Variants in BLTP3A observed in about 807,000 individuals in gnomAD.
BLTP3A encodes bridge-like lipid transfer protein family member 3A.
chr6:34,863,552 G>A, the BLTP3A span, among the ~76,000 whole-genome samples: 1 of 152,022 alleles, frequency 6.6e-6, no homozygotes, highest in Non-Finnish European at 1.5e-5. Flanking sequence ...CCTCTTTGAT[G>A]TTGTCTAGAA....
chr6:34,792,454 C>G, the BLTP3A span, among the ~76,000 whole-genome samples: 1 of 152,120 alleles, frequency 6.6e-6, no homozygotes, highest in Admixed American at 6.5e-5. Flanking sequence ...CAGCTTCCCC[C>G]CGCGCCCGCC....
the BLTP3A span, among the ~76,000 whole-genome samples, chr6:34,802,462 C>T: frequency 1.3e-5 from 2 of 151,434 alleles, no homozygotes; most frequent in Admixed American, 6.6e-5. Context: ...CTCTGCCTCC[C>T]GGGTTCAAGC....
chr6:34,812,649 TC>T, the BLTP3A span, among the ~76,000 whole-genome samples: 1 of 151,780 alleles, frequency 6.6e-6, no homozygotes, highest in Non-Finnish European at 1.5e-5. Flanking sequence ...TTTTTTTTTT[TC>T]ATAGAGACAG....
At chr6:34,799,404 C>A in the BLTP3A span, among the ~76,000 whole-genome samples, 1 of 151,882 alleles carries the variant, frequency 6.6e-6, no homozygotes, top group Non-Finnish European at 1.5e-5. Context: ...GCAGGAGGAT[C>A]ACTTGAGCCT....
At chr6:34,819,139 T>TCC in the BLTP3A span, among the ~76,000 whole-genome samples, 5 of 133,352 alleles carry the variant, frequency 3.7e-5, no homozygotes, top group African/African-American at 1.6e-4. Context: ...TAGACAGTTT[T>TCC]TCTTTTTTTT....
chr6:34,833,354 C>T, the BLTP3A span, among the ~76,000 whole-genome samples: 4 of 152,018 alleles, frequency 2.6e-5, no homozygotes, highest in Admixed American at 6.6e-5. Context: ...CTCTTATTCA[C>T]CTGACTGTAC....
chr6:34,813,369 A>G, the BLTP3A span, among the ~76,000 whole-genome samples: 2 of 152,226 alleles, frequency 1.3e-5, no homozygotes, highest in Non-Finnish European at 2.9e-5. Context: ...TCTAGCTCTG[A>G]AATTCTGCGA....
chr6:34,844,712 A>G, the BLTP3A span, among the ~76,000 whole-genome samples: 5 of 151,882 alleles, frequency 3.3e-5, no homozygotes, highest in Non-Finnish European at 5.9e-5. Context: ...GGATTATTAG[A>G]TTTTTTTTCC....
the BLTP3A span, among the ~76,000 whole-genome samples, chr6:34,826,722 C>A: frequency 3.0e-4 from 46 of 152,132 alleles, no homozygotes; most frequent in East Asian, 6.6e-3. Flanking sequence ...AGTCATTATT[C>A]TTCTTGATGT....
chr6:34,845,395 C>T, the BLTP3A span, among the ~76,000 whole-genome samples: 1 of 151,932 alleles, frequency 6.6e-6, no homozygotes. Context: ...GATTACTTTT[C>T]CCATTTCTGC....
the BLTP3A span, chr6:34,834,362 A>G: frequency 6.2e-7 from 1 of 1,613,810 alleles, no homozygotes; most frequent in Non-Finnish European, 8.5e-7. Flanking sequence ...CTGGCAGCAG[A>G]GTGACCTTCG....
At chr6:34,801,998 A>G in the BLTP3A span, among the ~76,000 whole-genome samples, 1 of 152,102 alleles carries the variant, frequency 6.6e-6, no homozygotes, top group Admixed American at 6.5e-5. Flanking sequence ...CGGCCTCCCC[A>G]AGTGCTGGGA....
chr6:34,801,829 C>T, the BLTP3A span, among the ~76,000 whole-genome samples: 4 of 152,316 alleles, frequency 2.6e-5, no homozygotes, highest in South Asian at 2.1e-4. Context: ...AGCTCCGCCT[C>T]CCGGTTCACG....
chr6:34,798,834 C>T, the BLTP3A span, among the ~76,000 whole-genome samples: 1 of 152,202 alleles, frequency 6.6e-6, no homozygotes, highest in Middle Eastern at 3.4e-3. Flanking sequence ...GGATGTAATG[C>T]TCAGCCCTCT....
the BLTP3A span, among the ~76,000 whole-genome samples, chr6:34,853,213 A>C: frequency 6.6e-6 from 1 of 152,134 alleles, no homozygotes; most frequent in Non-Finnish European, 1.5e-5. Context: ...GTCTTGCTGC[A>C]TTGCCAAGCA....
the BLTP3A span, among the ~76,000 whole-genome samples, chr6:34,807,955 C>T: frequency 2.0e-5 from 3 of 151,922 alleles, no homozygotes; most frequent in Admixed American, 1.3e-4. Flanking sequence ...GTAGGAGAAT[C>T]GCTTGAACCG....
the BLTP3A span, among the ~76,000 whole-genome samples, chr6:34,803,482 C>CT: frequency 9.5e-4 from 145 of 152,006 alleles, no homozygotes; most frequent in East Asian, 2.9e-3. Context: ...TTCCCTTACT[C>CT]TTTTTTTTAC....
chr6:34,828,808 G>A, the BLTP3A span, among the ~76,000 whole-genome samples: 1 of 151,696 alleles, frequency 6.6e-6, no homozygotes, highest in African/African-American at 2.4e-5. Context: ...TGGGTGGATC[G>A]CCTGAAGTCA....
chr6:34,873,936 A>T, the BLTP3A span: 1 of 152,392 alleles, frequency 6.6e-6, no homozygotes, highest in African/African-American at 2.4e-5. Flanking sequence ...GAAAAAAAAA[A>T]TGTATTCACC....
Sources: allele counts gnomAD v4.1 joint callset (sites outside exome capture counted in the v4.1 genomes callset), GRCh38; gene constraint gnomAD v4.1.1; transcripts MANE v1.5; gene names NCBI Gene and HGNC (gene_info 2026-07-23, HGNC 2026-07-21).